Variants in NDUFA10 observed in about 807,000 individuals in gnomAD.
NDUFA10 encodes the protein NADH dehydrogenase [ubiquinone] 1 alpha subcomplex subunit 10, mitochondrial.
In NDUFA10, 40 loss-of-function variants were observed where a neutral mutation model predicts 47.8. That is an observed-to-expected ratio of 0.84 (90% CI 0.65 to 1.09). The LOEUF is 1.09. Among genes scored for constraint, NDUFA10 ranks in the 50% least tolerant of loss-of-function variants. The pLI is 0.00. For missense variants in NDUFA10, 413 were observed against 451.1 expected, an observed-to-expected ratio of 0.92 and a Z score of 0.76; for synonymous variants, 183 against 172.2, an observed-to-expected ratio of 1.06 and a Z score of -0.49.
At chr2:240,021,440 C>T in intron 2 of NDUFA10, 28 bp from the exon 3 acceptor site, 2 of 1,596,330 alleles carry the variant, frequency 1.3e-6, no homozygotes, top group Non-Finnish European at 8.6e-7. Context: ...CGGATGCAGT[C>T]TGATGCACAT....
rs1382798930 is a variant in NDUFA10 at position 239,959,025 on chromosome 2, C to A, written c.*2093G>T. On this transcript the variant is annotated 3_prime_UTR_variant, in exon 10 of 10. Transcript: ENST00000252711. ...AGGAAATCGGGGCATCTCCTCACCT[C>A]TTCTTGAGGCTTCTATGTGGAGAGA... 2.0e-6 allele frequency: 2 copies of A among 985,348 alleles called. No individual in the cohort carries two copies. The highest frequency in any genetic ancestry group is 1.7e-5 in the African/African-American group (1 of 57,246). 61.0% of individuals were successfully genotyped at this position (985,348 alleles called of 1,614,324 possible). A position where few individuals can be genotyped will look rare whatever the true frequency, so the allele number is the denominator to read the frequency against.
At position 239,960,857 on chromosome 2, in the gene NDUFA10, A is replaced by G. The variant is rs906894676; in HGVS notation, c.*261T>C. 1.0e-5 allele frequency: 14 copies of G among 1,383,856 alleles called. No individual in the cohort carries two copies. In the African/African-American group the frequency reaches 1.4e-4, roughly 14 times the overall value. 85.7% of individuals were successfully genotyped at this position (1,383,856 alleles called of 1,614,324 possible). On this transcript the variant is annotated 3_prime_UTR_variant, in exon 10 of 10. Coordinates refer to ENST00000252711, the MANE Select transcript of NDUFA10 (RefSeq NM_004544.4). ...CTGCCGAGAGCTGGCCTTTCACAGC[A>G]GACCACTGTTTTCCAGTGAGAATGG...
At chr2:239,938,669 G>T (rs559450312) in intron 4 of NDUFA10, among the ~76,000 whole-genome samples, 1 of 152,194 alleles carries the variant, frequency 6.6e-6, no homozygotes, top group African/African-American at 2.4e-5. Flanking sequence ...GCTGCCCTGG[G>T]GGGCTGCAGG....
At chr2:239,920,859 T>C (rs1191311270) in intron 4 of NDUFA10, among the ~76,000 whole-genome samples, 1 of 152,220 alleles carries the variant, frequency 6.6e-6, no homozygotes, top group Non-Finnish European at 1.5e-5. Context: ...TGGGGTCGTC[T>C]GAGGTGCCTG....
intron 4 of NDUFA10, among the ~76,000 whole-genome samples, chr2:239,900,499 T>A (rs1467067832): frequency 1.3e-5 from 2 of 151,954 alleles, no homozygotes; most frequent in East Asian, 3.9e-4. Flanking sequence ...ATGCAGGTGA[T>A]AATGGCTGCC....
rs1309846911 is a variant in NDUFA10, at chr2:239,987,282, A to C, written c.999+2792T>G. 1.3e-5 allele frequency among the ~76,000 whole-genome samples: 2 copies of C among 152,108 alleles called. No individual in the cohort carries two copies. Among genetic ancestry groups the C allele is most frequent in the East Asian group, 3.9e-4 (2 of 5,176 alleles). On this transcript the variant is annotated intron_variant, in intron 9 of 9. Transcript: ENST00000252711. This position sits in a 1 kb window ranked among gnomAD's most constrained non-coding sequence, Gnocchi z 4.8. ...GGAGGAGAACACCCTTGTTTGTGAG[A>C]ATTACACATTCAAGCCACGATTCTC...
intron 5 of NDUFA10, among the ~76,000 whole-genome samples, chr2:239,893,281 G>T (rs1379231078): frequency 6.6e-6 from 1 of 152,120 alleles, no homozygotes; most frequent in Non-Finnish European, 1.5e-5. Flanking sequence ...GGAAGTATGT[G>T]CACAGAAGGG....
chr2:239,920,532 C>G (rs1385605669), intron 4 of NDUFA10, among the ~76,000 whole-genome samples: 4 of 152,220 alleles, frequency 2.6e-5, no homozygotes, highest in African/African-American at 9.6e-5. Context: ...AAAGTGTTTT[C>G]TCCTAAGCTA....
intron 9 of NDUFA10, chr2:239,983,526 G>A: frequency 6.2e-7 from 1 of 1,601,354 alleles, no homozygotes; most frequent in South Asian, 1.1e-5. Context: ...CTCAACAAAG[G>A]AACATAAAGG....
intron 4 of NDUFA10, among the ~76,000 whole-genome samples, chr2:239,920,746 G>T (rs540209409): frequency 6.6e-6 from 1 of 152,158 alleles, no homozygotes; most frequent in African/African-American, 2.4e-5. Context: ...AGGCGCTGTG[G>T]TTTTGTTTCT....
At chr2:239,944,996 C>T (rs1019899423) in intron 4 of NDUFA10, among the ~76,000 whole-genome samples, 2 of 141,334 alleles carry the variant, frequency 1.4e-5, no homozygotes, top group Non-Finnish European at 3.1e-5. Flanking sequence ...GGTGACTTCC[C>T]AGGGGGCCTG....
intron 4 of NDUFA10, among the ~76,000 whole-genome samples, chr2:239,930,840 TG>T (rs1424873416): frequency 1.1e-4 from 14 of 131,234 alleles, no homozygotes; most frequent in African/African-American, 3.6e-4. Flanking sequence ...CGCAGGGTCC[TG>T]GTGGACGGGT....
Position 240,021,416 on chromosome 2 carries a change from A to T in NDUFA10, c.245-4T>A, listed in dbSNP as rs762283733. 6.2e-7 allele frequency: 1 copy of T among 1,613,492 alleles called. No homozygotes were observed. Among genetic ancestry groups the T allele is most frequent in the South Asian group, 1.1e-5 (1 of 91,050 alleles). On this transcript the variant is annotated splice_region_variant and splice_polypyrimidine_tract_variant and intron_variant, in intron 2 of 9. Transcript: ENST00000252711. ...GCTTCAGGAAAGTGCTTGAAGCCTG[A>T]AAAGAGAAACAGTCGGATGCAGTCT... is the stretch of plus-strand genomic sequence containing the variant.
chr2:239,941,625 C>T (rs550390616), intron 4 of NDUFA10, among the ~76,000 whole-genome samples: 1 of 151,794 alleles, frequency 6.6e-6, no homozygotes, highest in East Asian at 1.9e-4. Flanking sequence ...TCTCAGGAGG[C>T]TGAGGTGGGA....
chr2:239,899,774 T>TGTAAAAACAGAATTCTGC (rs1693509568), intron 4 of NDUFA10, among the ~76,000 whole-genome samples: 1 of 151,812 alleles, frequency 6.6e-6, no homozygotes, highest in Non-Finnish European at 1.5e-5. Flanking sequence ...CCAGCCCAGA[T>TGTAAAAACAGAATTCTGC]GTAAAAACAG....
rs922561525 is a variant in NDUFA10, at chr2:239,960,609, T to C, written c.*509A>G. On this transcript the variant is annotated 3_prime_UTR_variant, in exon 10 of 10. Transcript: ENST00000252711. ...ATTACTAAAATAAATACAGTAGGCC[T>C]TTAGAAAAACTCTTCAGCATAATGT... is the stretch of plus-strand genomic sequence containing the variant. 2.9e-6 allele frequency: 3 copies of C among 1,024,286 alleles called. No homozygotes were observed. The highest frequency in any genetic ancestry group is 2.4e-6 in the Non-Finnish European group (2 of 850,936). The allele number at this position is 1,024,286 out of a possible 1,614,324, so 63.4% of individuals were successfully genotyped here.
In NDUFA10 at chr2:239,945,824, C is replaced by T. The variant is rs868838198; in HGVS notation, c.294+44250G>A. 8.6e-5 allele frequency among the ~76,000 whole-genome samples: 11 copies of T among 127,868 alleles called. No homozygotes were observed. The highest frequency in any genetic ancestry group is 2.4e-4 in the South Asian group (1 of 4,164). The allele number at this position is 127,868 out of a possible 152,430, so 83.9% of individuals were successfully genotyped here. A position where few individuals can be genotyped will look rare whatever the true frequency, so the allele number is the denominator to read the frequency against. ...CACTCCAGACCCCCCTGAAGGCCGT[C>T]CCCAGGCTTCAAGGGCCCACAGGGC... On this transcript the variant is annotated intron_variant, in intron 4 of 5. Coordinates refer to the NDUFA10 transcript ENST00000419408. The surrounding 1 kb of genome is among the most constrained non-coding windows in gnomAD (Gnocchi z 4.6).
chr2:239,946,931 G>A (rs1694463001), intron 4 of NDUFA10, among the ~76,000 whole-genome samples: 1 of 152,232 alleles, frequency 6.6e-6, no homozygotes, highest in Admixed American at 6.5e-5. Flanking sequence ...TGAGGATAAG[G>A]CCACGGCCTC....
At chr2:239,941,812 A>G (rs1176730827) in intron 4 of NDUFA10, among the ~76,000 whole-genome samples, 2 of 152,234 alleles carry the variant, frequency 1.3e-5, no homozygotes, top group Non-Finnish European at 2.9e-5. Flanking sequence ...ACATCAGTGA[A>G]CAACATCCTG....
Sources: allele counts gnomAD v4.1 joint callset (sites outside exome capture counted in the v4.1 genomes callset), GRCh38; gene constraint gnomAD v4.1.1; non-coding constraint Gnocchi (gnomAD v3.1); transcripts MANE v1.5; gene names NCBI Gene and HGNC (gene_info 2026-07-23, HGNC 2026-07-21).